Variants in C7orf57 observed in about 807,000 individuals in gnomAD.
C7orf57 encodes chromosome 7 open reading frame 57, also known as uncharacterized protein C7orf57.
Under a neutral mutation model 39.0 loss-of-function variants are expected in C7orf57, and 33 were observed. The observed-to-expected ratio is 0.85, with a 90% CI of 0.64 to 1.13. C7orf57 has a LOEUF of 1.13. Ranked by LOEUF, C7orf57 falls within the 50% of genes most tolerant of loss-of-function variation. C7orf57 has a pLI of 0.00. For missense variants in C7orf57, 346 were observed against 362.3 expected (o/e 0.95, Z 0.37); for synonymous variants, 124 against 137.1 (o/e 0.90, Z 0.67).
intron 6 of C7orf57, among the ~76,000 whole-genome samples, chr7:48,051,860 TTTCTTTCTTTCTCTTTC>T (rs1790946943): frequency 4.0e-5 from 3 of 74,100 alleles, no homozygotes; most frequent in African/African-American, 6.9e-5. Flanking sequence ...TCTTTCTTTC[TTTCTTTCTTTCTCTTTC>T]TCTTTCTTTC....
In C7orf57 at chr7:48,058,400, A is replaced by C. The variant is rs151209693; in HGVS notation, c.842-1826A>C. On this transcript the variant is annotated intron_variant, in intron 8 of 8. Coordinates refer to ENST00000348904, the MANE Select transcript of C7orf57 (RefSeq NM_001100159.3). ...TCCATACTCATTCTTAGACAGTTCA[A>C]ATTTTCTATTTCTTCATGATTCAGC... Among the ~76,000 whole-genome samples, 85 of 151,938 alleles carry C rather than the reference A, an allele frequency of 5.6e-4. 2 individuals are homozygous for C. The East Asian group carries it at 0.01, about 18-fold the overall frequency.
At chr7:48,051,780 TTCTTTCTTTCTTTC>T (rs1790912000) in intron 6 of C7orf57, among the ~76,000 whole-genome samples, 1 of 115,242 alleles carries the variant, frequency 8.7e-6, no homozygotes, top group African/African-American at 3.3e-5. Flanking sequence ...CTTTCTTTCT[TTCTTTCTTTCTTTC>T]TTTCCTTCCT....
chr7:48,037,244 G>C (rs1187471691), intron 2 of C7orf57, among the ~76,000 whole-genome samples: 2 of 152,098 alleles, frequency 1.3e-5, no homozygotes, highest in African/African-American at 2.4e-5. Flanking sequence ...GTGACTTCTG[G>C]GTGCCTTCTA....
At chr7:48,045,008 T>G (rs1306120352) in intron 4 of C7orf57, among the ~76,000 whole-genome samples, 11 of 152,218 alleles carry the variant, frequency 7.2e-5, no homozygotes, top group Admixed American at 6.5e-4. Context: ...CTTCTGCTTT[T>G]TTTCTTCCAG....
At chr7:48,036,463 G>C in intron 2 of C7orf57, 100 bp downstream of exon 2, 1 of 1,155,002 alleles carries the variant, frequency 8.7e-7, no homozygotes, top group African/African-American at 1.6e-5. Context: ...GTGGGCTGGA[G>C]GGGGGTGTGA....
At chr7:48,054,679 G>C in intron 8 of C7orf57, 73 bp downstream of exon 8, 2 of 1,328,426 alleles carry the variant, frequency 1.5e-6, no homozygotes, top group Non-Finnish European at 2.1e-6. Context: ...ACATAGTCCT[G>C]CATTCTGAGA....
chr7:48,051,755 T>TC (rs1790901584), intron 6 of C7orf57, among the ~76,000 whole-genome samples: 1 of 15,772 alleles, frequency 6.3e-5, no homozygotes. Flanking sequence ...TTTTCTTTTC[T>TC]TTCTTTCTTT....
At chr7:48,045,503 G>A (rs1028730138) in intron 4 of C7orf57, among the ~76,000 whole-genome samples, 1 of 152,008 alleles carries the variant, frequency 6.6e-6, no homozygotes, top group African/African-American at 2.4e-5. Flanking sequence ...CTCTTCACTC[G>A]CTCTCTCGGA....
chr7:48,047,943 C>T (rs1260648710), intron 5 of C7orf57, among the ~76,000 whole-genome samples: 1 of 152,166 alleles, frequency 6.6e-6, no homozygotes, highest in African/African-American at 2.4e-5. Context: ...TGAGCTACAA[C>T]CTCTAGTGAT....
At position 48,060,292 on chromosome 7, in the gene C7orf57, T is replaced by G. The variant is rs1262009806; in HGVS notation, c.*20T>G. Reference sequence around the variant, plus strand: ...AAATAAATCCTGATGCAATATGTATTTAGGATAATTTTTAAATGGCTAAAT... The same window carrying G: ...AAATAAATCCTGATGCAATATGTATGTAGGATAATTTTTAAATGGCTAAAT... On this transcript the variant is annotated 3_prime_UTR_variant, in exon 9 of 9. Transcript: ENST00000348904. 3 of 1,479,256 alleles carry G rather than the reference T, an allele frequency of 2.0e-6. No homozygotes were observed. Among genetic ancestry groups the G allele is most frequent in the Non-Finnish European group, 2.7e-6 (3 of 1,093,664 alleles). The allele number at this position is 1,479,256 out of a possible 1,614,324, so 91.6% of individuals were successfully genotyped here.
At chr7:48,041,055 G>GA (rs1458308687) in intron 2 of C7orf57, among the ~76,000 whole-genome samples, 1 of 152,124 alleles carries the variant, frequency 6.6e-6, no homozygotes, top group Non-Finnish European at 1.5e-5. Context: ...ACCTCCCTGG[G>GA]AAGCGAAAGC....
At chr7:48,056,773 T>C (rs1791127742) in intron 8 of C7orf57, among the ~76,000 whole-genome samples, 2 of 152,168 alleles carry the variant, frequency 1.3e-5, no homozygotes, top group Non-Finnish European at 2.9e-5. Flanking sequence ...GTCTTTTGTT[T>C]AAGTCTTCAT....
chr7:48,036,840 G>T (rs1790383469), intron 2 of C7orf57, among the ~76,000 whole-genome samples: 1 of 152,128 alleles, frequency 6.6e-6, no homozygotes, highest in South Asian at 2.1e-4. Flanking sequence ...ACAGGAAAAG[G>T]AATTCAGTGA....
rs934095672 is a variant in C7orf57 at position 48,035,712 on chromosome 7, G to A, written c.-102+82G>A. 8 of 588,486 alleles carry A rather than the reference G, an allele frequency of 1.4e-5. No homozygotes were observed. The African/African-American group carries it at 1.4e-4, about 10-fold the overall frequency. 36.5% of individuals were successfully genotyped at this position (588,486 alleles called of 1,614,324 possible). A position where few individuals can be genotyped will look rare whatever the true frequency, so the allele number is the denominator to read the frequency against. ...TCCACTGTGCGGAGCTCGCAGTGCGGGCAGTGCGCGCCGGGGCTGGAGGGA... is the reference window on the plus strand; with the variant it reads ...TCCACTGTGCGGAGCTCGCAGTGCGAGCAGTGCGCGCCGGGGCTGGAGGGA... On this transcript the variant is annotated intron_variant, in intron 1 of 8. Coordinates refer to ENST00000348904, the MANE Select transcript of C7orf57 (RefSeq NM_001100159.3). The surrounding 1 kb of genome is among the most constrained non-coding windows in gnomAD (Gnocchi z 4.0).
At chr7:48,043,335 G>C in intron 3 of C7orf57, 146 bp from the exon 4 acceptor site, 1 of 640,942 alleles carries the variant, frequency 1.6e-6, no homozygotes, top group Non-Finnish European at 2.8e-6. Flanking sequence ...GTGAGGATCA[G>C]GGATGCTCTG....
intron 7 of C7orf57, 130 bp downstream of exon 7, chr7:48,053,053 C>A (rs754487788): frequency 6.7e-6 from 5 of 750,482 alleles, no homozygotes; most frequent in Non-Finnish European, 1.2e-5. Flanking sequence ...AAAACGCCCA[C>A]AGAAGTACTA....
intron 5 of C7orf57, 72 bp from the exon 6 acceptor site, chr7:48,049,808 A>G: frequency 9.0e-7 from 1 of 1,108,078 alleles, no homozygotes; most frequent in African/African-American, 1.5e-5. Flanking sequence ...CTTTGCTACC[A>G]TTAGTGAGTT....
At chr7:48,057,901 A>G (rs1791162309) in intron 8 of C7orf57, among the ~76,000 whole-genome samples, 1 of 152,092 alleles carries the variant, frequency 6.6e-6, no homozygotes, top group Non-Finnish European at 1.5e-5. Flanking sequence ...CCTTCATTCT[A>G]TTATGTAGTA....
At chr7:48,051,270 C>T (rs1021856201) in intron 6 of C7orf57, among the ~76,000 whole-genome samples, 2 of 151,762 alleles carry the variant, frequency 1.3e-5, no homozygotes, top group Non-Finnish European at 2.9e-5. Context: ...CAGCCTCCAC[C>T]TCTCAGGTTC....
Sources: allele counts gnomAD v4.1 joint callset (sites outside exome capture counted in the v4.1 genomes callset), GRCh38; gene constraint gnomAD v4.1.1; non-coding constraint Gnocchi (gnomAD v3.1); transcripts MANE v1.5; gene names NCBI Gene and HGNC (gene_info 2026-07-23, HGNC 2026-07-21).